Variants in CNTN4 observed in about 807,000 individuals in gnomAD.
The protein encoded by CNTN4 is contactin-4.
CNTN4 carries 77 observed loss-of-function variants against 122.5 expected under a neutral mutation model. The observed-to-expected ratio is 0.63, with a 90% CI of 0.52 to 0.76. The LOEUF (loss-of-function observed/expected upper bound fraction) is 0.76. Ranked by LOEUF, CNTN4 falls within the 30% of genes least tolerant of loss-of-function variation. The pLI is 0.00. For missense variants in CNTN4, 1,256 were observed against 1,259.1 expected, an observed-to-expected ratio of 1.00 and a Z score of 0.04; for synonymous variants, 512 against 447.0, an observed-to-expected ratio of 1.15 and a Z score of -1.83.
At chr3:2,163,188 A>G (rs2036039633) in intron 2 of CNTN4, among the ~76,000 whole-genome samples, 1 of 152,224 alleles carries the variant, frequency 6.6e-6, no homozygotes, top group Non-Finnish European at 1.5e-5. Context: ...GGGAACCCAG[A>G]AATAAAGCCA....
At chr3:2,193,682 A>G (rs1037853055) in intron 2 of CNTN4, among the ~76,000 whole-genome samples, 2 of 152,216 alleles carry the variant, frequency 1.3e-5, no homozygotes, top group Non-Finnish European at 2.9e-5. Flanking sequence ...AATGCATCAC[A>G]TATGCATGAC....
At chr3:2,465,658 C>T (rs1362695932) in intron 3 of CNTN4, among the ~76,000 whole-genome samples, 1 of 151,960 alleles carries the variant, frequency 6.6e-6, no homozygotes, top group African/African-American at 2.4e-5. Context: ...GCCTAGGCGA[C>T]ACAGCGAGAC....
intron 6 of CNTN4, among the ~76,000 whole-genome samples, chr3:2,763,192 A>G (rs377165443): frequency 1.6e-4 from 24 of 152,110 alleles, no homozygotes; most frequent in Non-Finnish European, 2.9e-4. Context: ...TGATCCGCCC[A>G]CCTCGGCCTC....
intron 6 of CNTN4, among the ~76,000 whole-genome samples, chr3:2,785,496 T>C (rs139037522): frequency 1.2e-3 from 189 of 152,350 alleles, no homozygotes; most frequent in African/African-American, 3.9e-3. Flanking sequence ...TGACCTCATC[T>C]GGAAGCACCA....
At chr3:2,311,877 A>C in intron 2 of CNTN4, among the ~76,000 whole-genome samples, 1 of 152,138 alleles carries the variant, frequency 6.6e-6, no homozygotes, top group East Asian at 1.9e-4. Context: ...TTTAAAGATA[A>C]ACAGAACTTC....
intron 4 of CNTN4, among the ~76,000 whole-genome samples, chr3:2,726,929 G>A (rs924876125): frequency 1.3e-5 from 2 of 152,196 alleles, no homozygotes; most frequent in Non-Finnish European, 2.9e-5. Flanking sequence ...GAGAAGGAGT[G>A]TAGGCAAACT....
At chr3:2,864,442 A>T (rs2093701907) in intron 7 of CNTN4, among the ~76,000 whole-genome samples, 1 of 151,974 alleles carries the variant, frequency 6.6e-6, no homozygotes, top group Non-Finnish European at 1.5e-5. Flanking sequence ...TGCAGGGAAA[A>T]AAAAATCATT....
intron 6 of CNTN4, among the ~76,000 whole-genome samples, chr3:2,775,466 C>G (rs934151170): frequency 6.6e-6 from 1 of 152,186 alleles, no homozygotes; most frequent in Non-Finnish European, 1.5e-5. Flanking sequence ...GAGTCTCACT[C>G]TGGAGTGCAG....
intron 3 of CNTN4, among the ~76,000 whole-genome samples, chr3:2,471,599 A>G (rs1206142744): frequency 6.6e-6 from 1 of 152,188 alleles, no homozygotes; most frequent in Non-Finnish European, 1.5e-5. Context: ...ATTGTCCTCC[A>G]TAAATGTTAA....
intron 2 of CNTN4, among the ~76,000 whole-genome samples, chr3:2,174,839 A>T (rs1031449174): frequency 6.6e-6 from 1 of 152,178 alleles, no homozygotes; most frequent in African/African-American, 2.4e-5. Context: ...GGCACATCAC[A>T]TGGCAAAAGC....
At chr3:2,542,546 A>G (rs2078074916) in intron 3 of CNTN4, among the ~76,000 whole-genome samples, 1 of 152,096 alleles carries the variant, frequency 6.6e-6, no homozygotes, top group African/African-American at 2.4e-5. Flanking sequence ...GTGCCTAGCA[A>G]CCGCTGATAT....
intron 2 of CNTN4, among the ~76,000 whole-genome samples, chr3:2,270,348 T>C (rs1479298978): frequency 6.6e-6 from 1 of 152,106 alleles, no homozygotes; most frequent in East Asian, 1.9e-4. Context: ...GTGTACAGAT[T>C]ATTTTGTCAC....
At chr3:2,985,912 C>CTTTTT (rs762011820) in intron 13 of CNTN4, among the ~76,000 whole-genome samples, 2 of 129,936 alleles carry the variant, frequency 1.5e-5, no homozygotes, top group African/African-American at 5.9e-5. Context: ...TAAGAGAATA[C>CTTTTT]TTTTTTTTTT....
At chr3:2,216,827 C>T (rs1320755976) in intron 2 of CNTN4, among the ~76,000 whole-genome samples, 1 of 152,130 alleles carries the variant, frequency 6.6e-6, no homozygotes, top group Non-Finnish European at 1.5e-5. Context: ...CTTGAAAAGT[C>T]TTGCGGTCTC....
At chr3:2,562,510 T>G (rs1054624101) in intron 3 of CNTN4, among the ~76,000 whole-genome samples, 31 of 152,136 alleles carry the variant, frequency 2.0e-4, no homozygotes, top group African/African-American at 7.5e-4. Context: ...ATTAATTTGT[T>G]TAGTATAATG....
chr3:2,576,960 T>G (rs1169392707), intron 4 of CNTN4, among the ~76,000 whole-genome samples: 2 of 152,196 alleles, frequency 1.3e-5, no homozygotes, highest in Non-Finnish European at 2.9e-5. Context: ...TATGGGAAGT[T>G]AACCCCGTCC....
At chr3:2,816,405 G>A (rs192931494) in intron 6 of CNTN4, among the ~76,000 whole-genome samples, 3 of 151,856 alleles carry the variant, frequency 2.0e-5, no homozygotes, top group East Asian at 1.9e-4. Flanking sequence ...AGAATGATAC[G>A]ATGGACTTTG....
intron 6 of CNTN4, among the ~76,000 whole-genome samples, chr3:2,778,061 A>G (rs1017679141): frequency 9.3e-5 from 14 of 149,792 alleles, no homozygotes; most frequent in Admixed American, 2.7e-4. Context: ...AAAAATACAA[A>G]AAATTAGCCG....
intron 10 of CNTN4, among the ~76,000 whole-genome samples, chr3:2,888,533 C>T (rs529264375): frequency 1.3e-5 from 2 of 152,256 alleles, no homozygotes; most frequent in East Asian, 3.9e-4. Flanking sequence ...CCTCCACCCT[C>T]AGATGCTAAT....
Sources: gnomAD v4.1 joint callset for allele counts (sites outside exome capture counted in the v4.1 genomes callset) on GRCh38, gnomAD v4.1.1 for gene constraint, MANE v1.5 for transcripts, NCBI Gene and HGNC (gene_info 2026-07-23, HGNC 2026-07-21) for gene names.